Variants in ASPH observed in about 807,000 individuals in gnomAD.
ASPH encodes aspartyl/asparaginyl beta-hydroxylase.
ASPH carries 100 observed loss-of-function variants against 118.4 expected under a neutral mutation model. That is an observed-to-expected ratio of 0.84 (90% CI 0.72 to 1.00). ASPH has a LOEUF of 1.00. Among genes scored for constraint, ASPH ranks in the 50% least tolerant of loss-of-function variants. The pLI, the probability that ASPH is intolerant of heterozygous loss-of-function variation, is 0.00. For synonymous variants in ASPH, 315 were observed against 325.6 expected, an observed-to-expected ratio of 0.97 and a Z score of 0.35; for missense variants, 920 against 919.5, an observed-to-expected ratio of 1.00 and a Z score of -0.01.
intron 1 of ASPH, among the ~76,000 whole-genome samples, chr8:61,698,551 G>A (rs1834474371): frequency 6.6e-6 from 1 of 152,166 alleles, no homozygotes; most frequent in African/African-American, 2.4e-5. Context: ...TCATTACTTA[G>A]GAATGACTGA....
Position 61,517,549 on chromosome 8 carries a change from A to C in ASPH, c.2105T>G (p.Ile702Ser). The change falls in exon 24 of 25, where the codon ATT (isoleucine) becomes AGT (serine). Residue 702 changes from isoleucine (I) to serine (S), a missense_variant. Ile to Ser is a moderately radical substitution (Grantham distance 142, BLOSUM62 -2). Transcript: ENST00000379454. ...GLVIPKEGCK[I>S]RCANETKTWE... Reference sequence around the variant, plus strand: ...ATACTTGGTCTCGTTGGCACATCGAATCTTGCAGCCTTCCTTGGGAATCAC... The same window carrying C: ...ATACTTGGTCTCGTTGGCACATCGACTCTTGCAGCCTTCCTTGGGAATCAC... 6.2e-7 allele frequency: 1 copy of C among 1,614,164 alleles called. No individual in the cohort carries two copies. Among genetic ancestry groups the C allele is most frequent in the Non-Finnish European group, 8.5e-7 (1 of 1,179,984 alleles).
intron 9 of ASPH, 81 bp downstream of exon 9, chr8:61,643,304 GA>G: frequency 1.4e-6 from 2 of 1,399,060 alleles, no homozygotes; most frequent in South Asian, 1.3e-5. Flanking sequence ...GCCTTTAAAA[GA>G]AAAATCACCA....
chr8:61,624,497 A>T (rs1852030905), intron 13 of ASPH: 1 of 966,462 alleles, frequency 1.0e-6, no homozygotes, highest in Non-Finnish European at 1.2e-6. Context: ...TTATGTAACA[A>T]ATTAAAAATA....
intron 14 of ASPH, among the ~76,000 whole-genome samples, chr8:61,615,664 T>C (rs1848771541): frequency 6.6e-6 from 1 of 152,226 alleles, no homozygotes; most frequent in Non-Finnish European, 1.5e-5. Flanking sequence ...TTTGTGACCA[T>C]GGGCTATGGA....
chr8:61,535,283 G>A (rs1253336290), intron 21 of ASPH, among the ~76,000 whole-genome samples: 1 of 152,176 alleles, frequency 6.6e-6, no homozygotes, highest in African/African-American at 2.4e-5. Flanking sequence ...GATGGAAGGG[G>A]ATCAAGAATA....
chr8:61,702,280 C>CT (rs71257379), intron 1 of ASPH, among the ~76,000 whole-genome samples: 1,932 of 123,264 alleles, frequency 0.016, 23 homozygotes, highest in African/African-American at 0.02. Context: ...ATAGCTACTT[C>CT]TTTTTTTTTT....
chr8:61,578,973 C>A, intron 15 of ASPH: 2 of 1,610,712 alleles, frequency 1.2e-6, no homozygotes, highest in Non-Finnish European at 1.7e-6. Flanking sequence ...GGACAACAGC[C>A]GCTCCCTGGA....
At chr8:61,690,538 A>G (rs1832323878) in intron 1 of ASPH, among the ~76,000 whole-genome samples, 1 of 152,178 alleles carries the variant, frequency 6.6e-6, no homozygotes, top group African/African-American at 2.4e-5. Context: ...CTCATCTCCA[A>G]ACATTCTCTT....
intron 3 of ASPH, chr8:61,668,176 T>C: frequency 2.7e-6 from 4 of 1,470,296 alleles, no homozygotes; most frequent in Non-Finnish European, 3.8e-6. Context: ...GAAAATGTCA[T>C]GCATTTTCAA....
At chr8:61,505,113 A>G (rs1446010603) in intron 24 of ASPH, among the ~76,000 whole-genome samples, 2 of 152,224 alleles carry the variant, frequency 1.3e-5, no homozygotes, top group African/African-American at 4.8e-5. Flanking sequence ...TGTCCTCATC[A>G]TAGTGAATAA....
intron 3 of ASPH, among the ~76,000 whole-genome samples, chr8:61,665,993 GAATA>G: frequency 6.6e-6 from 1 of 152,164 alleles, no homozygotes; most frequent in East Asian, 1.9e-4. Context: ...TAATTTGTAA[GAATA>G]TATACAAAGA....
intron 3 of ASPH, chr8:61,668,134 G>T: frequency 8.2e-7 from 1 of 1,215,800 alleles, no homozygotes; most frequent in Non-Finnish European, 1.2e-6. Context: ...AAGCAATAGT[G>T]TTTAGCATTA....
chr8:61,579,579 C>T (rs1157581165), intron 15 of ASPH: 35 of 1,520,794 alleles, frequency 2.3e-5, no homozygotes, highest in Middle Eastern at 2.2e-4. Context: ...CTCCCTCAGC[C>T]GCACCAGTTC....
intron 18 of ASPH, among the ~76,000 whole-genome samples, chr8:61,557,506 T>C (rs1313721683): frequency 5.3e-5 from 8 of 152,104 alleles, no homozygotes; most frequent in African/African-American, 1.7e-4. Context: ...CCCTGACCAT[T>C]ACCCGCATTA....
chr8:61,666,931 A>C (rs1819944024), intron 3 of ASPH, among the ~76,000 whole-genome samples: 8 of 152,172 alleles, frequency 5.3e-5, no homozygotes, highest in Admixed American at 5.2e-4. Context: ...TTAATGTTTA[A>C]TTTGCTTCTC....
At chr8:61,658,154 C>T (rs1432365073) in intron 3 of ASPH, 1 of 152,180 alleles carries the variant, frequency 6.6e-6, no homozygotes, top group Non-Finnish European at 1.5e-5. Context: ...GTTGTCGCTC[C>T]TGGCTTGTGT....
At chr8:61,550,256 T>C (rs1409354560) in intron 20 of ASPH, among the ~76,000 whole-genome samples, 1 of 152,200 alleles carries the variant, frequency 6.6e-6, no homozygotes, top group Non-Finnish European at 1.5e-5. Flanking sequence ...TACTATTTCC[T>C]GTCTGATCAG....
chr8:61,707,702 A>G (rs1269100000), intron 1 of ASPH, among the ~76,000 whole-genome samples: 3 of 152,348 alleles, frequency 2.0e-5, no homozygotes, highest in South Asian at 2.1e-4. Context: ...GGATGGCTAA[A>G]TGAAAAGCAA....
rs576948228 is a variant in ASPH, at chr8:61,625,223, C to A, written c.935-6204G>T. 7.1e-6 allele frequency: 7 copies of A among 985,588 alleles called. No homozygotes were observed. In the African/African-American group the frequency reaches 1.2e-4, roughly 17 times the overall value. The allele number at this position is 985,588 out of a possible 1,614,324, so 61.1% of individuals were successfully genotyped here. On this transcript the variant is annotated intron_variant, in intron 13 of 24. Coordinates refer to ENST00000379454, the MANE Select transcript of ASPH (RefSeq NM_004318.4). The stretch of plus-strand genomic sequence containing the variant: ...TTATTTCTGAGCCCAAAATAAACCA[C>A]ATTAAATAAGAAGAAAATCTTCAGT...
Sources: allele counts gnomAD v4.1 joint callset (sites outside exome capture counted in the v4.1 genomes callset), GRCh38; gene constraint gnomAD v4.1.1; transcripts MANE v1.5; gene names NCBI Gene and HGNC (gene_info 2026-07-23, HGNC 2026-07-21).